The following ADGRB3 variants were observed in gnomAD, a reference collection of about 807,000 sequenced individuals.
ADGRB3 encodes adhesion G protein-coupled receptor B3.
ADGRB3 carries 37 observed loss-of-function variants against 193.4 expected under a neutral mutation model. The observed-to-expected ratio is 0.19, with a 90% CI of 0.15 to 0.25. ADGRB3 has a LOEUF of 0.25. Among genes scored for constraint, ADGRB3 ranks in the 10% least tolerant of loss-of-function variants. The probability of loss-of-function intolerance (pLI) is 1.00; values close to 1 mark genes in which losing one functional copy is unlikely to be tolerated. For missense variants in ADGRB3, 1,637 were observed against 1,852.9 expected (o/e 0.88, Z 2.14); for synonymous variants, 690 against 644.2 (o/e 1.07, Z -1.08).
chr6:69,069,723 T>C (rs760176174), intron 16 of ADGRB3, among the ~76,000 whole-genome samples: 3 of 107,164 alleles, frequency 2.8e-5, no homozygotes, highest in Non-Finnish European at 5.6e-5. Flanking sequence ...AGAGTGAGAC[T>C]CTCTCATTAA....
chr6:68,665,115 T>C (rs906152947), intron 3 of ADGRB3, among the ~76,000 whole-genome samples: 1 of 151,632 alleles, frequency 6.6e-6, no homozygotes, highest in East Asian at 2.0e-4. Context: ...TCTTGAAAGG[T>C]GAAGAGTGAA....
chr6:69,293,033 A>G (rs1428438620), intron 20 of ADGRB3, among the ~76,000 whole-genome samples: 2 of 152,062 alleles, frequency 1.3e-5, no homozygotes, highest in East Asian at 3.9e-4. Context: ...GCAGCTCCCC[A>G]CCATGGGTCT....
At chr6:68,718,042 T>A (rs1158204205) in intron 3 of ADGRB3, among the ~76,000 whole-genome samples, 1 of 151,754 alleles carries the variant, frequency 6.6e-6, no homozygotes, top group Non-Finnish European at 1.5e-5. Flanking sequence ...TAAAACCTTT[T>A]CTTGAAGAAG....
intron 17 of ADGRB3, among the ~76,000 whole-genome samples, chr6:69,150,104 C>T (rs571143363): frequency 6.6e-6 from 1 of 152,064 alleles, no homozygotes; most frequent in African/African-American, 2.4e-5. Context: ...GTAACCACTA[C>T]CTGAATACTG....
intron 17 of ADGRB3, among the ~76,000 whole-genome samples, chr6:69,194,826 C>T (rs1048203031): frequency 6.6e-6 from 1 of 152,122 alleles, no homozygotes; most frequent in Non-Finnish European, 1.5e-5. Context: ...TACTTAGCAT[C>T]TCTTGCCACA....
intron 3 of ADGRB3, among the ~76,000 whole-genome samples, chr6:68,706,842 T>A (rs1290753771): frequency 6.6e-6 from 1 of 152,194 alleles, no homozygotes; most frequent in Admixed American, 6.5e-5. Flanking sequence ...CTGGGCGTGG[T>A]GGCTCACGCC....
intron 3 of ADGRB3, among the ~76,000 whole-genome samples, chr6:68,747,823 G>A (rs770056578): frequency 1.3e-5 from 2 of 152,038 alleles, no homozygotes; most frequent in East Asian, 1.9e-4. Flanking sequence ...TGTATTAGTC[G>A]GTTTTCATGC....
At chr6:68,772,557 A>G (rs188917338) in intron 3 of ADGRB3, among the ~76,000 whole-genome samples, 9 of 152,170 alleles carry the variant, frequency 5.9e-5, no homozygotes, top group Non-Finnish European at 8.8e-5. Context: ...CAGTAATGAA[A>G]TACCATACCA....
At chr6:68,859,613 G>T (rs1156520414) in intron 3 of ADGRB3, among the ~76,000 whole-genome samples, 1 of 152,208 alleles carries the variant, frequency 6.6e-6, no homozygotes, top group African/African-American at 2.4e-5. Context: ...GAGAGAACTT[G>T]TGTAGGGGAC....
intron 20 of ADGRB3, among the ~76,000 whole-genome samples, chr6:69,239,995 AT>A (rs1361933384): frequency 6.6e-6 from 1 of 152,002 alleles, no homozygotes; most frequent in Non-Finnish European, 1.5e-5. Flanking sequence ...CAGGCCTGTT[AT>A]TTTTCATTTT....
intron 20 of ADGRB3, among the ~76,000 whole-genome samples, chr6:69,264,000 G>C (rs1201744989): frequency 6.6e-6 from 1 of 151,758 alleles, no homozygotes; most frequent in African/African-American, 2.4e-5. Flanking sequence ...CTCATAATAG[G>C]TAGTTTAATT....
At chr6:69,285,027 C>T (rs1208625898) in intron 20 of ADGRB3, among the ~76,000 whole-genome samples, 1 of 152,188 alleles carries the variant, frequency 6.6e-6, no homozygotes, top group South Asian at 2.1e-4. Context: ...CAAAAAAACA[C>T]ATAACACCTT....
chr6:68,791,540 G>C, intron 3 of ADGRB3, among the ~76,000 whole-genome samples: 1 of 152,112 alleles, frequency 6.6e-6, no homozygotes, highest in East Asian at 1.9e-4. Context: ...GCTGGTTATT[G>C]CAGAGACACT....
intron 3 of ADGRB3, among the ~76,000 whole-genome samples, chr6:68,893,233 A>C (rs1156332129): frequency 1.3e-5 from 2 of 152,146 alleles, no homozygotes; most frequent in African/African-American, 4.8e-5. Flanking sequence ...CCCAGAAAAT[A>C]GTTGTTTATT....
At chr6:68,997,849 G>A (rs1040559794) in intron 11 of ADGRB3, among the ~76,000 whole-genome samples, 1 of 151,706 alleles carries the variant, frequency 6.6e-6, no homozygotes, top group African/African-American at 2.4e-5. Flanking sequence ...ATTCAGCAGG[G>A]TTTCTAAATA....
intron 3 of ADGRB3, among the ~76,000 whole-genome samples, chr6:68,754,116 C>T (rs1338420850): frequency 6.6e-6 from 1 of 152,104 alleles, no homozygotes; most frequent in Non-Finnish European, 1.5e-5. Flanking sequence ...GCAAGATTAA[C>T]TTTTCTCCAA....
In ADGRB3 at chr6:68,961,330, A is replaced by G. The variant is rs573671453; in HGVS notation, c.1525+4521A>G. On this transcript the variant is annotated intron_variant, in intron 8 of 31. Coordinates refer to ENST00000370598, the MANE Select transcript of ADGRB3 (RefSeq NM_001704.3). The stretch of plus-strand genomic sequence containing the variant: ...GTCTGATGTAAAACCAGGCACTGCC[A>G]GGACACAGATCTGCAGTCCTGATGT... 1.7e-3 allele frequency among the ~76,000 whole-genome samples: 265 copies of G among 152,288 alleles called. 1 individual carries two copies. The highest frequency in any genetic ancestry group is 6.0e-3 in the African/African-American group (250 of 41,568).
intron 3 of ADGRB3, among the ~76,000 whole-genome samples, chr6:68,906,462 A>C (rs1422888786): frequency 6.6e-6 from 1 of 151,964 alleles, no homozygotes; most frequent in African/African-American, 2.4e-5. Context: ...TACATCATTG[A>C]CCATGTGCCA....
chr6:69,038,073 G>A (rs1296053130), intron 13 of ADGRB3, among the ~76,000 whole-genome samples: 1 of 152,228 alleles, frequency 6.6e-6, no homozygotes, highest in East Asian at 1.9e-4. Flanking sequence ...GCTCAATAGA[G>A]GTTTGTTGGA....
Sources: gnomAD v4.1 joint callset for allele counts (sites outside exome capture counted in the v4.1 genomes callset) on GRCh38, gnomAD v4.1.1 for gene constraint, MANE v1.5 for transcripts, NCBI Gene and HGNC (gene_info 2026-07-23, HGNC 2026-07-21) for gene names.